Variants in LRRC4C observed in about 807,000 individuals in gnomAD.
LRRC4C encodes leucine rich repeat containing 4C, also known as leucine-rich repeat-containing protein 4C.
In LRRC4C, 5 loss-of-function variants were observed where a neutral mutation model predicts 33.6. That is an observed-to-expected ratio of 0.15 (90% CI 0.08 to 0.31). The LOEUF is 0.31. Among genes scored for constraint, LRRC4C ranks in the 10% least tolerant of loss-of-function variants. The pLI, the probability that LRRC4C is intolerant of heterozygous loss-of-function variation, is 1.00. For missense variants in LRRC4C, 560 were observed against 796.7 expected (o/e 0.70, Z 3.58); for synonymous variants, 329 against 302.0 (o/e 1.09, Z -0.93).
chr11:40,634,968 T>G (rs907797699), intron 3 of LRRC4C, among the ~76,000 whole-genome samples: 3 of 151,782 alleles, frequency 2.0e-5, no homozygotes, highest in African/African-American at 7.3e-5. Flanking sequence ...TCTTTATTAA[T>G]ATTTATCTGA....
intron 2 of LRRC4C, among the ~76,000 whole-genome samples, chr11:40,690,132 G>A (rs1945158422): frequency 6.6e-6 from 1 of 152,002 alleles, no homozygotes; most frequent in Non-Finnish European, 1.5e-5. Context: ...CCACTTTGTT[G>A]CCTCATACCT....
chr11:40,481,008 A>C (rs922645450), intron 3 of LRRC4C, among the ~76,000 whole-genome samples: 3 of 151,884 alleles, frequency 2.0e-5, no homozygotes, highest in African/African-American at 7.3e-5. Flanking sequence ...TCTAATGTAG[A>C]GCATTGTGTC....
chr11:41,303,079 G>GTCCCTCTCTCTC lies in LRRC4C; in HGVS notation c.-496+156351_-496+156352insGAGAGAGAGGGA, dbSNP rs1232020750. Among the ~76,000 whole-genome samples, 684 of 104,120 alleles carry GTCCCTCTCTCTC rather than the reference G, an allele frequency of 6.6e-3. 4 individuals carry two copies. Among genetic ancestry groups the GTCCCTCTCTCTC allele is most frequent in the Non-Finnish European group, 0.01 (435 of 43,446 alleles). 68.3% of individuals were successfully genotyped at this position (104,120 alleles called of 152,430 possible). On this transcript the variant is annotated intron_variant, in intron 1 of 6. Coordinates refer to ENST00000528697, the MANE Select transcript of LRRC4C (RefSeq NM_001258419.2). ...GGATTTTTAGAAAAATACTGCATTA[G>GTCCCTCTCTCTC]TCCCTCTCCCTCTCCCTCTCCCTCT...
intron 2 of LRRC4C, among the ~76,000 whole-genome samples, chr11:40,674,706 G>A (rs942411263): frequency 1.3e-5 from 2 of 152,038 alleles, no homozygotes; most frequent in African/African-American, 4.8e-5. Context: ...TGCCAAAACT[G>A]TTTAAAAATA....
At chr11:40,991,319 A>G (rs1165767551) in intron 1 of LRRC4C, among the ~76,000 whole-genome samples, 1 of 152,092 alleles carries the variant, frequency 6.6e-6, no homozygotes, top group African/African-American at 2.4e-5. Flanking sequence ...CAGTGAATCA[A>G]TATTTTCCAA....
chr11:41,251,311 C>T (rs1480724026), intron 1 of LRRC4C, among the ~76,000 whole-genome samples: 1 of 152,156 alleles, frequency 6.6e-6, no homozygotes, highest in Non-Finnish European at 1.5e-5. Context: ...AATCTCATCA[C>T]TAACATCTAA....
intron 3 of LRRC4C, among the ~76,000 whole-genome samples, chr11:40,350,124 G>C (rs1947319112): frequency 2.0e-5 from 3 of 151,924 alleles, no homozygotes; most frequent in Admixed American, 2.0e-4. Context: ...TTTTTGCTTG[G>C]TTGCCTTATG....
In LRRC4C at chr11:40,547,816, A is replaced by G. The variant is rs116469229; in HGVS notation, c.-270+100326T>C. ...TAAATCAAAATTTGACTTCCCAGAT[A>G]GTATCATCTTTACACATTTCACAAA... On this transcript the variant is annotated intron_variant, in intron 3 of 6. Coordinates refer to ENST00000528697, the MANE Select transcript of LRRC4C (RefSeq NM_001258419.2). 9.1e-3 allele frequency among the ~76,000 whole-genome samples: 1,391 copies of G among 152,248 alleles called. 29 individuals are homozygous for G. The highest frequency in any genetic ancestry group is 0.031 in the African/African-American group (1,292 of 41,566).
intron 3 of LRRC4C, among the ~76,000 whole-genome samples, chr11:40,394,840 C>T (rs551036880): frequency 1.7e-4 from 26 of 152,264 alleles, no homozygotes; most frequent in South Asian, 6.2e-4. Context: ...AGGTACATTA[C>T]ATGAAACTAC....
chr11:40,978,595 T>G (rs928558507), intron 1 of LRRC4C, among the ~76,000 whole-genome samples: 6 of 151,752 alleles, frequency 4.0e-5, no homozygotes, highest in Admixed American at 6.6e-5. Context: ...CTACTATAAC[T>G]TTGTCTCATG....
intron 3 of LRRC4C, among the ~76,000 whole-genome samples, chr11:40,462,861 T>A (rs61065846): frequency 0.04 from 6,158 of 152,052 alleles, 396 homozygotes; most frequent in African/African-American, 0.14. Context: ...GGTTTTATCC[T>A]AAAGAACCTA....
chr11:40,304,228 T>A (rs1169840908), intron 4 of LRRC4C, among the ~76,000 whole-genome samples: 1 of 152,180 alleles, frequency 6.6e-6, no homozygotes, highest in African/African-American at 2.4e-5. Context: ...AAGGTGCTGC[T>A]GACAAGTAAT....
chr11:40,560,092 T>C (rs756821819), intron 3 of LRRC4C, among the ~76,000 whole-genome samples: 2 of 152,186 alleles, frequency 1.3e-5, no homozygotes, highest in Non-Finnish European at 1.5e-5. Context: ...ATGGCCTGCC[T>C]GAAGAGTTAT....
At chr11:40,503,336 C>T (rs1954870416) in intron 3 of LRRC4C, among the ~76,000 whole-genome samples, 1 of 152,170 alleles carries the variant, frequency 6.6e-6, no homozygotes, top group Admixed American at 6.5e-5. Context: ...TACCTGGAAC[C>T]ATGCCTAGCA....
chr11:41,062,110 A>T (rs1937821150), intron 1 of LRRC4C, among the ~76,000 whole-genome samples: 1 of 152,262 alleles, frequency 6.6e-6, no homozygotes, highest in Non-Finnish European at 1.5e-5. Flanking sequence ...AAAACTTATT[A>T]TAATTTCAGC....
At chr11:40,237,115 A>T (rs1347049672) in intron 5 of LRRC4C, among the ~76,000 whole-genome samples, 1 of 152,228 alleles carries the variant, frequency 6.6e-6, no homozygotes, top group African/African-American at 2.4e-5. Context: ...TCACAAGTCC[A>T]TATTGCTGAC....
At chr11:40,288,485 G>C (rs548621628) in intron 4 of LRRC4C, among the ~76,000 whole-genome samples, 1 of 152,238 alleles carries the variant, frequency 6.6e-6, no homozygotes, top group Admixed American at 6.5e-5. Flanking sequence ...TACTACAGTA[G>C]AACTCCTTTT....
At chr11:40,568,619 T>C (rs1555105518) in intron 3 of LRRC4C, among the ~76,000 whole-genome samples, 2 of 152,146 alleles carry the variant, frequency 1.3e-5, no homozygotes, top group Non-Finnish European at 2.9e-5. Context: ...GGGACTTGAT[T>C]GATATGAGCA....
chr11:40,294,697 C>T (rs1249409259), intron 4 of LRRC4C, among the ~76,000 whole-genome samples: 1 of 150,214 alleles, frequency 6.7e-6, no homozygotes, highest in Non-Finnish European at 1.5e-5. Context: ...AGCGATGGCG[C>T]GCGTCTGTAA....
Sources: gnomAD v4.1 joint callset for allele counts (sites outside exome capture counted in the v4.1 genomes callset) on GRCh38, gnomAD v4.1.1 for gene constraint, MANE v1.5 for transcripts, NCBI Gene and HGNC (gene_info 2026-07-23, HGNC 2026-07-21) for gene names.